THSD4: variants seen among roughly 807,000 people sequenced by gnomAD.
THSD4 encodes the protein thrombospondin type-1 domain-containing protein 4.
In THSD4, 69 loss-of-function variants were observed where a neutral mutation model predicts 119.0. That is an observed-to-expected ratio of 0.58 (90% CI 0.48 to 0.71). The LOEUF (loss-of-function observed/expected upper bound fraction) is 0.71. Among genes scored for constraint, THSD4 ranks in the 30% least tolerant of loss-of-function variants. The pLI is 0.00. For missense variants in THSD4, 1,393 were observed against 1,391.1 expected (o/e 1.00, Z -0.02); for synonymous variants, 524 against 540.4 (o/e 0.97, Z 0.42).
chr15:71,214,958 A>G, intron 3 of THSD4, 77 bp from the exon 4 acceptor site: 1 of 1,216,632 alleles, frequency 8.2e-7, no homozygotes, highest in Non-Finnish European at 1.0e-6. Context: ...CTGATGGATA[A>G]GTCGACCCTG....
intron 7 of THSD4, among the ~76,000 whole-genome samples, chr15:71,523,676 C>T (rs149699526): frequency 4.5e-4 from 68 of 152,066 alleles, no homozygotes; most frequent in Non-Finnish European, 6.5e-4. Flanking sequence ...AAATAAGGAA[C>T]GACCACAGCA....
intron 7 of THSD4, among the ~76,000 whole-genome samples, chr15:71,426,004 A>G (rs1334841172): frequency 6.6e-6 from 1 of 152,138 alleles, no homozygotes; most frequent in African/African-American, 2.4e-5. Flanking sequence ...TGGCAGAGGA[A>G]CCTAAGAAAG....
At chr15:71,194,092 T>C (rs2141444364) in intron 3 of THSD4, among the ~76,000 whole-genome samples, 1 of 152,336 alleles carries the variant, frequency 6.6e-6, no homozygotes, top group Admixed American at 6.5e-5. Context: ...AAGATGTGCC[T>C]TTATCCTTCT....
At chr15:71,282,450 G>A (rs577597314) in intron 6 of THSD4, among the ~76,000 whole-genome samples, 1 of 137,882 alleles carries the variant, frequency 7.3e-6, no homozygotes, top group Admixed American at 7.7e-5. Context: ...TGTGTTACTT[G>A]TTTGTAAATG....
At chr15:71,617,578 G>A (rs2140921503) in intron 7 of THSD4, among the ~76,000 whole-genome samples, 1 of 152,328 alleles carries the variant, frequency 6.6e-6, no homozygotes, top group East Asian at 1.9e-4. Context: ...CAAATCCGTA[G>A]CCAAACATTT....
chr15:71,105,992 G>A (rs932919979), intron 1 of THSD4, among the ~76,000 whole-genome samples: 1 of 152,168 alleles, frequency 6.6e-6, no homozygotes, highest in Non-Finnish European at 1.5e-5. Flanking sequence ...GGTTTGGGGG[G>A]TGGGACAGGA....
intron 7 of THSD4, among the ~76,000 whole-genome samples, chr15:71,538,420 A>C (rs1447766610): frequency 6.6e-6 from 1 of 152,218 alleles, no homozygotes; most frequent in Non-Finnish European, 1.5e-5. Flanking sequence ...AGTCAGGTAA[A>C]TGATCTGTCT....
intron 17 of THSD4, among the ~76,000 whole-genome samples, chr15:71,771,622 G>C (rs1383339269): frequency 1.3e-5 from 2 of 152,166 alleles, no homozygotes; most frequent in Non-Finnish European, 2.9e-5. Context: ...AATTGGTAGA[G>C]ACAGTGATGG....
intron 3 of THSD4, among the ~76,000 whole-genome samples, chr15:71,208,913 A>G (rs1037901693): frequency 6.6e-6 from 1 of 151,958 alleles, no homozygotes; most frequent in African/African-American, 2.4e-5. Flanking sequence ...GAGGAGGGGG[A>G]TATCAGGTTT....
intron 6 of THSD4, among the ~76,000 whole-genome samples, chr15:71,391,886 A>G (rs1282846592): frequency 1.3e-5 from 2 of 152,124 alleles, no homozygotes; most frequent in African/African-American, 4.8e-5. Context: ...GTTTGCAAGA[A>G]CCATACAGAG....
At chr15:71,682,855 A>C in intron 8 of THSD4, among the ~76,000 whole-genome samples, 1 of 108,926 alleles carries the variant, frequency 9.2e-6, no homozygotes, top group African/African-American at 3.7e-5. Flanking sequence ...CTCTTTTGCT[A>C]CTTTCTTTCT....
At chr15:71,674,655 A>T (rs1380540024) in intron 8 of THSD4, among the ~76,000 whole-genome samples, 1 of 152,128 alleles carries the variant, frequency 6.6e-6, no homozygotes, top group Non-Finnish European at 1.5e-5. Flanking sequence ...TTTCAGGATA[A>T]AAGGCCTTTT....
intron 7 of THSD4, among the ~76,000 whole-genome samples, chr15:71,626,443 G>A (rs1479856893): frequency 6.6e-6 from 1 of 152,192 alleles, no homozygotes. Flanking sequence ...GGTGGTTTCT[G>A]TGGAGGTAGG....
intron 1 of THSD4, among the ~76,000 whole-genome samples, chr15:71,131,390 G>A (rs1319624598): frequency 1.3e-5 from 2 of 151,524 alleles, no homozygotes; most frequent in Non-Finnish European, 2.9e-5. Context: ...AATGAAGAAA[G>A]AGCTCTTAAA....
chr15:71,319,324 G>A (rs1450097658), intron 6 of THSD4, among the ~76,000 whole-genome samples: 1 of 151,770 alleles, frequency 6.6e-6, no homozygotes, highest in Non-Finnish European at 1.5e-5. Flanking sequence ...CATGTGCCAT[G>A]TTGGTGTGCT....
intron 6 of THSD4, among the ~76,000 whole-genome samples, chr15:71,376,964 C>CGAAT (rs1266714983): frequency 6.6e-6 from 1 of 152,252 alleles, no homozygotes; most frequent in African/African-American, 2.4e-5. Context: ...AGATGCTGTA[C>CGAAT]GAATACTCAC....
At chr15:71,703,063 C>T (rs928110735) in intron 8 of THSD4, among the ~76,000 whole-genome samples, 4 of 152,050 alleles carry the variant, frequency 2.6e-5, no homozygotes, top group African/African-American at 9.7e-5. Flanking sequence ...TCACTGCAAC[C>T]TCCGCCTCCT....
chr15:71,712,886 A>G (rs1401854853), intron 8 of THSD4, among the ~76,000 whole-genome samples: 3 of 152,214 alleles, frequency 2.0e-5, no homozygotes, highest in Non-Finnish European at 4.4e-5. Context: ...AGGAAAACCC[A>G]TAGGTGTGGA....
intron 7 of THSD4, among the ~76,000 whole-genome samples, chr15:71,594,259 A>G (rs2049865482): frequency 6.6e-6 from 1 of 150,494 alleles, no homozygotes; most frequent in Non-Finnish European, 1.5e-5. Flanking sequence ...CCCAAGCTGG[A>G]GTGCAATGGC....
Sources: allele counts gnomAD v4.1 joint callset (sites outside exome capture counted in the v4.1 genomes callset), GRCh38; gene constraint gnomAD v4.1.1; transcripts MANE v1.5; gene names NCBI Gene and HGNC (gene_info 2026-07-23, HGNC 2026-07-21).